The following FLACC1 variants were observed in gnomAD, a reference collection of about 807,000 sequenced individuals.
FLACC1 encodes flagellum-associated coiled-coil domain-containing protein 1.
A neutral mutation model predicts 62.8 loss-of-function variants in FLACC1; 66 were observed. The observed-to-expected ratio is 1.05, with a 90% CI of 0.86 to 1.29. The LOEUF (loss-of-function observed/expected upper bound fraction) is 1.29, where lower values mean the gene tolerates loss of function less well. Among genes scored for constraint, FLACC1 ranks in the 50% most tolerant of loss-of-function variants. The pLI, the probability that FLACC1 is intolerant of heterozygous loss-of-function variation, is 0.00. For missense variants in FLACC1, 452 were observed against 489.1 expected, an observed-to-expected ratio of 0.92 and a Z score of 0.71; for synonymous variants, 156 against 161.0, an observed-to-expected ratio of 0.97 and a Z score of 0.24.
chr2:201,312,756 G>A (rs1950239410), intron 9 of FLACC1, among the ~76,000 whole-genome samples: 1 of 152,184 alleles, frequency 6.6e-6, no homozygotes, highest in Admixed American at 6.5e-5. Flanking sequence ...GCAGCATGTG[G>A]AGTCTTGCAT....
chr2:201,342,605 T>C (rs1388009039), intron 6 of FLACC1, among the ~76,000 whole-genome samples, 174 bp from the exon 7 acceptor site: 1 of 152,260 alleles, frequency 6.6e-6, no homozygotes, highest in Non-Finnish European at 1.5e-5. Context: ...AGCACATTAT[T>C]AATAAGGGAA....
chr2:201,347,911 G>A (rs763374735), intron 4 of FLACC1, among the ~76,000 whole-genome samples: 24 of 152,184 alleles, frequency 1.6e-4, no homozygotes, highest in African/African-American at 5.5e-4. Flanking sequence ...CCCAGCTTTC[G>A]TTAGTTCCCT....
chr2:201,344,387 C>A, intron 5 of FLACC1, 124 bp from the exon 6 acceptor site: 1 of 773,128 alleles, frequency 1.3e-6, no homozygotes, highest in South Asian at 1.5e-5. Flanking sequence ...ATGTTCTGCA[C>A]CTGCTCTATC....
At chr2:201,320,146 G>C (rs1455505698) in intron 9 of FLACC1, among the ~76,000 whole-genome samples, 1 of 152,254 alleles carries the variant, frequency 6.6e-6, no homozygotes, top group East Asian at 1.9e-4. Flanking sequence ...CATGGAGAGA[G>C]GGAAGCCATT....
chr2:201,340,981 T>C (rs1469008697), intron 7 of FLACC1, among the ~76,000 whole-genome samples: 3 of 152,208 alleles, frequency 2.0e-5, no homozygotes, highest in African/African-American at 7.2e-5. Flanking sequence ...GTATTGGCAC[T>C]CCTTTGTATG....
At chr2:201,291,367 C>T (rs1315261648) in intron 12 of FLACC1, among the ~76,000 whole-genome samples, 2 of 152,218 alleles carry the variant, frequency 1.3e-5, no homozygotes, top group African/African-American at 4.8e-5. Flanking sequence ...TTGCTGTTCA[C>T]CAATATCTGC....
intron 7 of FLACC1, among the ~76,000 whole-genome samples, chr2:201,340,707 A>G (rs1352734588): frequency 6.6e-6 from 1 of 152,162 alleles, no homozygotes; most frequent in Non-Finnish European, 1.5e-5. Context: ...TGCTTATACC[A>G]TTGAGTGTTG....
chr2:201,330,971 C>A (rs1576455194), intron 7 of FLACC1, 138 bp from the exon 8 acceptor site: 48 of 425,044 alleles, frequency 1.1e-4, no homozygotes, highest in Non-Finnish European at 1.6e-4. Context: ...ATTTTTAAAT[C>A]TTTTTTTTTT....
chr2:201,355,215 G>T (rs571356590), intron 1 of FLACC1, among the ~76,000 whole-genome samples: 20 of 151,146 alleles, frequency 1.3e-4, no homozygotes, highest in Non-Finnish European at 2.7e-4. Flanking sequence ...AACCTGGGAG[G>T]TGGAGGTTGC....
At chr2:201,305,483 G>C (rs1218216127) in intron 11 of FLACC1, among the ~76,000 whole-genome samples, 1 of 152,186 alleles carries the variant, frequency 6.6e-6, no homozygotes, top group African/African-American at 2.4e-5. Context: ...TACACTGTTG[G>C]TGGGACTGTA....
At position 201,350,573 on chromosome 2, in the gene FLACC1, C is replaced by T. The variant is rs111302963; in HGVS notation, c.185+138G>A. 0.071 allele frequency: 49,999 copies of T among 703,486 alleles called. 2,122 individuals are homozygous for T. The highest frequency in any genetic ancestry group is 0.12 in the African/African-American group (6,640 of 55,568). 43.6% of individuals were successfully genotyped at this position (703,486 alleles called of 1,614,324 possible). A position where few individuals can be genotyped will look rare whatever the true frequency, so the allele number is the denominator to read the frequency against. Reference sequence around the variant, plus strand: ...GCGCACACCTGTATTCCCAGCTACTCGAGAGGCTGAGGCAGGAGAATCGCT... The same window carrying T: ...GCGCACACCTGTATTCCCAGCTACTTGAGAGGCTGAGGCAGGAGAATCGCT... On this transcript the variant is annotated intron_variant, in intron 3 of 14. Transcript: ENST00000392257.
At chr2:201,360,448 G>A (rs894243648), upstream of FLACC1, among the ~76,000 whole-genome samples, 43 of 152,162 alleles carry the variant, frequency 2.8e-4, no homozygotes, top group Non-Finnish European at 5.4e-4. Flanking sequence ...GGGAGCATTC[G>A]GAGGCTTTCC....
intron 7 of FLACC1, among the ~76,000 whole-genome samples, chr2:201,331,481 A>T (rs536661314): frequency 2.0e-5 from 3 of 152,308 alleles, no homozygotes; most frequent in Non-Finnish European, 2.9e-5. Flanking sequence ...TCCAGCCTCC[A>T]TTCCAGGAAG....
chr2:201,325,005 G>A (rs1285836003), intron 9 of FLACC1, among the ~76,000 whole-genome samples: 2 of 152,140 alleles, frequency 1.3e-5, no homozygotes, highest in Non-Finnish European at 2.9e-5. Context: ...ACAGGCGCCT[G>A]TAGTCTCAGT....
At chr2:201,361,116 G>A (rs115166923), upstream of FLACC1, among the ~76,000 whole-genome samples, 661 of 152,060 alleles carry the variant, frequency 4.3e-3, 5 homozygotes, top group African/African-American at 0.015. Context: ...AAAAACACAC[G>A]GGCCCTTGAT....
intron 9 of FLACC1, among the ~76,000 whole-genome samples, chr2:201,327,212 T>C (rs768087766): frequency 1.3e-5 from 2 of 152,072 alleles, no homozygotes; most frequent in African/African-American, 4.8e-5. Flanking sequence ...CCCGAAACTA[T>C]AAAAATTCTA....
At chr2:201,330,348 G>A in intron 9 of FLACC1, 122 bp downstream of exon 9, 2 of 977,274 alleles carry the variant, frequency 2.0e-6, no homozygotes, top group Non-Finnish European at 3.0e-6. Context: ...TGCCACTTAG[G>A]TCTAAGGATG....
chr2:201,357,337 C>A lies in FLACC1; in HGVS notation c.-403G>T, dbSNP rs149078342. The A allele has an allele frequency of 7.9e-5, 12 of 152,300 alleles. No homozygotes were observed. The highest frequency in any genetic ancestry group is 3.4e-3 in the Middle Eastern group (1 of 294). The allele number at this position is 152,300 out of a possible 1,614,324, so 9.4% of individuals were successfully genotyped here. On this transcript the variant is annotated 5_prime_UTR_variant, in exon 1 of 15. Transcript: ENST00000392257. Reference sequence around the variant, plus strand: ...ACCATTCAGATTCCTGTGACTTGGGCCTGAGTTGTGAGGTTTGCCCTTGGG... The same window carrying A: ...ACCATTCAGATTCCTGTGACTTGGGACTGAGTTGTGAGGTTTGCCCTTGGG...
chr2:201,329,039 TC>T (rs980472176), intron 9 of FLACC1, among the ~76,000 whole-genome samples: 1 of 152,128 alleles, frequency 6.6e-6, no homozygotes. Context: ...GTAAGCCCCT[TC>T]CCCAGTCCCA....
Sources: gnomAD v4.1 joint callset for allele counts (sites outside exome capture counted in the v4.1 genomes callset) on GRCh38, gnomAD v4.1.1 for gene constraint, MANE v1.5 for transcripts, NCBI Gene and HGNC (gene_info 2026-07-23, HGNC 2026-07-21) for gene names.